MARCHF1: variants seen among roughly 807,000 people sequenced by gnomAD.
The protein encoded by MARCHF1 is membrane associated ring-CH-type finger 1.
In MARCHF1, 40 loss-of-function variants were observed where a neutral mutation model predicts 54.2. That is an observed-to-expected ratio of 0.74 (90% CI 0.57 to 0.96). MARCHF1 has a LOEUF of 0.96. Ranked by LOEUF, MARCHF1 falls within the 40% of genes least tolerant of loss-of-function variation. The probability of loss-of-function intolerance (pLI) is 0.00; values close to 1 mark genes in which losing one functional copy is unlikely to be tolerated. For synonymous variants in MARCHF1, 236 were observed against 236.3 expected (o/e 1.00, Z 0.01); for missense variants, 586 against 656.5 (o/e 0.89, Z 1.17).
chr4:163,825,711 T>C (rs1748831092), intron 4 of MARCHF1, among the ~76,000 whole-genome samples: 1 of 152,076 alleles, frequency 6.6e-6, no homozygotes, highest in South Asian at 2.1e-4. Context: ...TAAGCATTTT[T>C]TAATATAATG....
chr4:164,028,021 C>T (rs988610617), intron 2 of MARCHF1, among the ~76,000 whole-genome samples: 1 of 151,942 alleles, frequency 6.6e-6, no homozygotes, highest in Non-Finnish European at 1.5e-5. Context: ...AAGTTAAAAC[C>T]ACAATATCTC....
intron 9 of MARCHF1, among the ~76,000 whole-genome samples, chr4:163,544,809 A>C (rs992747511): frequency 3.9e-5 from 6 of 152,160 alleles, no homozygotes; most frequent in Non-Finnish European, 7.3e-5. Flanking sequence ...CTATCTGAAC[A>C]ATGTCTTTTC....
chr4:163,847,457 T>C (rs1452336019), intron 4 of MARCHF1, among the ~76,000 whole-genome samples: 1 of 152,052 alleles, frequency 6.6e-6, no homozygotes, highest in East Asian at 1.9e-4. Flanking sequence ...AATCTTGGCA[T>C]TTAAAATCTG....
intron 4 of MARCHF1, among the ~76,000 whole-genome samples, chr4:163,745,089 T>G (rs1746317495): frequency 6.6e-6 from 1 of 151,530 alleles, no homozygotes; most frequent in East Asian, 1.9e-4. Flanking sequence ...AAGTGTTGCA[T>G]GCTCGTTTTT....
chr4:163,975,460 A>G (rs1203261222), intron 3 of MARCHF1, among the ~76,000 whole-genome samples: 1 of 152,126 alleles, frequency 6.6e-6, no homozygotes, highest in Admixed American at 6.6e-5. Context: ...GATAAACTAT[A>G]AGGCAGCCTG....
At chr4:163,548,628 A>G (rs1738992418) in intron 8 of MARCHF1, among the ~76,000 whole-genome samples, 1 of 152,246 alleles carries the variant, frequency 6.6e-6, no homozygotes, top group East Asian at 1.9e-4. Flanking sequence ...TACAGGAACC[A>G]TTTAGAAACT....
At chr4:164,375,186 T>C (rs1266992933) in intron 1 of MARCHF1, among the ~76,000 whole-genome samples, 3 of 152,186 alleles carry the variant, frequency 2.0e-5, no homozygotes, top group African/African-American at 7.2e-5. Context: ...TGTGGCTATG[T>C]GCTATGCTTC....
intron 4 of MARCHF1, among the ~76,000 whole-genome samples, chr4:163,706,219 T>A (rs930958429): frequency 3.3e-5 from 5 of 152,040 alleles, no homozygotes; most frequent in African/African-American, 1.2e-4. Context: ...CATGCTTTTT[T>A]CCTACTGCTC....
At chr4:163,544,950 C>G (rs1738847621) in intron 9 of MARCHF1, among the ~76,000 whole-genome samples, 1 of 152,156 alleles carries the variant, frequency 6.6e-6, no homozygotes, top group African/African-American at 2.4e-5. Flanking sequence ...GAACTGGGTC[C>G]TTTCACACAT....
intron 2 of MARCHF1, among the ~76,000 whole-genome samples, chr4:164,077,545 T>C (rs548866531): frequency 6.6e-6 from 1 of 152,038 alleles, no homozygotes; most frequent in Non-Finnish European, 1.5e-5. Context: ...CTAACTAAAC[T>C]AAAGAGCTTC....
At chr4:163,844,232 T>C (rs1749423981) in intron 4 of MARCHF1, among the ~76,000 whole-genome samples, 1 of 152,122 alleles carries the variant, frequency 6.6e-6, no homozygotes, top group African/African-American at 2.4e-5. Flanking sequence ...GGTACGTGGT[T>C]TTCTGTTCCT....
intron 1 of MARCHF1, among the ~76,000 whole-genome samples, chr4:164,267,954 G>A (rs955708645): frequency 1.7e-4 from 26 of 151,722 alleles, no homozygotes; most frequent in Admixed American, 1.4e-3. Context: ...TTAATTCAAA[G>A]TGGTCTCAGG....
chr4:164,136,525 G>A (rs868325771), intron 1 of MARCHF1, among the ~76,000 whole-genome samples: 4 of 152,140 alleles, frequency 2.6e-5, no homozygotes, highest in Non-Finnish European at 4.4e-5. Context: ...CAGCAGAGCC[G>A]ATTGGCTGGG....
intron 5 of MARCHF1, among the ~76,000 whole-genome samples, chr4:163,615,184 G>T (rs1451045329): frequency 6.6e-6 from 1 of 152,116 alleles, no homozygotes; most frequent in Admixed American, 6.6e-5. Context: ...AGCAGGTTAG[G>T]TCCCAGGAGG....
intron 1 of MARCHF1, among the ~76,000 whole-genome samples, chr4:164,186,475 C>T (rs1730973723): frequency 6.6e-6 from 1 of 152,194 alleles, no homozygotes; most frequent in Non-Finnish European, 1.5e-5. Context: ...CAGCAATGCA[C>T]TCTATGAGCC....
intron 1 of MARCHF1, among the ~76,000 whole-genome samples, chr4:164,143,711 C>T (rs1729565551): frequency 6.6e-6 from 1 of 152,166 alleles, no homozygotes; most frequent in Non-Finnish European, 1.5e-5. Context: ...CCAGCCGCTG[C>T]AAAATCATGC....
At chr4:163,894,931 CATATATATATATGCATGTGATGCAT>C (rs1560808146) in intron 3 of MARCHF1, among the ~76,000 whole-genome samples, 107 of 6,846 alleles carry the variant, frequency 0.016, 16 homozygotes, top group Admixed American at 0.017. Flanking sequence ...GCATGTGATG[CATATATATATATGCATGTGATGCAT>C]ATATATATAT....
intron 2 of MARCHF1, among the ~76,000 whole-genome samples, chr4:164,064,755 T>C (rs1158683887): frequency 6.6e-6 from 1 of 152,172 alleles, no homozygotes; most frequent in African/African-American, 2.4e-5. Context: ...TCCAGTTTTT[T>C]CCCATTCAGT....
At chr4:164,205,502 A>C (rs954384576) in intron 1 of MARCHF1, among the ~76,000 whole-genome samples, 1 of 152,222 alleles carries the variant, frequency 6.6e-6, no homozygotes, top group Non-Finnish European at 1.5e-5. Context: ...AGGCATGTCC[A>C]TCATCCTCAA....
Sources: allele counts gnomAD v4.1 joint callset (sites outside exome capture counted in the v4.1 genomes callset), GRCh38; gene constraint gnomAD v4.1.1; transcripts MANE v1.5; gene names NCBI Gene and HGNC (gene_info 2026-07-23, HGNC 2026-07-21).